RORA: variants seen among roughly 807,000 people sequenced by gnomAD.
The protein encoded by RORA is RAR related orphan receptor A, also known as nuclear receptor ROR-alpha.
In RORA, 7 loss-of-function variants were observed where a neutral mutation model predicts 69.5. That is an observed-to-expected ratio of 0.10 (90% CI 0.06 to 0.19). The LOEUF is 0.19. Among genes scored for constraint, RORA ranks in the 10% least tolerant of loss-of-function variants. The pLI is 1.00. For synonymous variants in RORA, 261 were observed against 240.8 expected, an observed-to-expected ratio of 1.08 and a Z score of -0.78; for missense variants, 457 against 663.0, an observed-to-expected ratio of 0.69 and a Z score of 3.41.
intron 2 of RORA, among the ~76,000 whole-genome samples, chr15:60,552,516 A>G (rs1567081599): frequency 6.6e-6 from 1 of 152,188 alleles, no homozygotes; most frequent in Non-Finnish European, 1.5e-5. Context: ...CTGTCTTCCC[A>G]GTGCCTGCCT....
chr15:60,685,171 G>T (rs1034665560), intron 1 of RORA, among the ~76,000 whole-genome samples: 1 of 152,080 alleles, frequency 6.6e-6, no homozygotes, highest in African/African-American at 2.4e-5. Flanking sequence ...GGGATAATCC[G>T]GGAAGGCAGC....
chr15:61,102,104 C>A (rs1322936870), intron 1 of RORA, among the ~76,000 whole-genome samples: 2 of 152,132 alleles, frequency 1.3e-5, no homozygotes, highest in Admixed American at 1.3e-4. Context: ...TTTCTCCCAG[C>A]CCTCAGCACA....
At chr15:60,889,179 T>G (rs1398709345) in intron 1 of RORA, among the ~76,000 whole-genome samples, 1 of 152,230 alleles carries the variant, frequency 6.6e-6, no homozygotes, top group African/African-American at 2.4e-5. Context: ...TACTTCCCAC[T>G]TGAACTCCTC....
At chr15:60,610,489 C>CG (rs1471917824) in intron 2 of RORA, among the ~76,000 whole-genome samples, 2 of 152,020 alleles carry the variant, frequency 1.3e-5, no homozygotes, top group Non-Finnish European at 2.9e-5. Flanking sequence ...CAGCAGGAAG[C>CG]GGGCTGTGGC....
chr15:60,947,599 T>C (rs1892933165), intron 1 of RORA, among the ~76,000 whole-genome samples: 1 of 149,462 alleles, frequency 6.7e-6, no homozygotes, highest in East Asian at 2.0e-4. Context: ...GAGATCTTTG[T>C]TCACTTGTTT....
intron 2 of RORA, among the ~76,000 whole-genome samples, chr15:60,583,561 G>T (rs1318469334): frequency 6.6e-6 from 1 of 152,152 alleles, no homozygotes; most frequent in Admixed American, 6.5e-5. Flanking sequence ...GCTTTATGAC[G>T]AAAAGGAGTA....
Position 61,005,946 on chromosome 15 carries a change from T to A in RORA, c.166+223107A>T, listed in dbSNP as rs959317871. Among the ~76,000 whole-genome samples, 34 of 149,878 alleles carry A rather than the reference T, an allele frequency of 2.3e-4. No homozygotes were observed. In the South Asian group the frequency reaches 4.2e-3, roughly 19 times the overall value. ...TAGGCTTAGAGCCATATATATATAT[T>A]TTTTGTTTGTTTGTTTTGTTTTGTT... On this transcript the variant is annotated intron_variant, in intron 1 of 10. Coordinates refer to ENST00000335670, the MANE Select transcript of RORA (RefSeq NM_134261.3).
intron 1 of RORA, among the ~76,000 whole-genome samples, chr15:61,121,077 T>G (rs1358947003): frequency 1.3e-5 from 2 of 152,026 alleles, no homozygotes; most frequent in Admixed American, 1.3e-4. Flanking sequence ...CTCAAACTCC[T>G]GACCTCAGGT....
intron 2 of RORA, among the ~76,000 whole-genome samples, chr15:60,584,567 G>A (rs2068278188): frequency 6.6e-6 from 1 of 152,200 alleles, no homozygotes; most frequent in Non-Finnish European, 1.5e-5. Flanking sequence ...TAAGACACTT[G>A]ATTGGGAGGA....
At chr15:60,665,520 A>C (rs1389486894) in intron 2 of RORA, among the ~76,000 whole-genome samples, 1 of 152,230 alleles carries the variant, frequency 6.6e-6, no homozygotes, top group African/African-American at 2.4e-5. Flanking sequence ...TACAAACTGC[A>C]GAAAGAAACT....
At chr15:61,100,420 T>C (rs1236335135) in intron 1 of RORA, among the ~76,000 whole-genome samples, 5 of 152,218 alleles carry the variant, frequency 3.3e-5, no homozygotes, top group Admixed American at 1.3e-4. Context: ...GTGCCCGGCC[T>C]GAGCGGTCAA....
intron 1 of RORA, among the ~76,000 whole-genome samples, chr15:60,849,225 A>G (rs769175342): frequency 1.1e-4 from 17 of 152,188 alleles, no homozygotes; most frequent in Non-Finnish European, 1.9e-4. Flanking sequence ...CTCCTATGTT[A>G]TGATTACCTC....
intron 1 of RORA, among the ~76,000 whole-genome samples, chr15:61,013,221 G>T (rs777992138): frequency 3.2e-4 from 49 of 152,168 alleles, no homozygotes; most frequent in Non-Finnish European, 1.9e-4. Context: ...CATAACCACA[G>T]CTTGAGAACC....
chr15:60,988,995 A>G (rs1894291853), intron 1 of RORA, among the ~76,000 whole-genome samples: 2 of 152,242 alleles, frequency 1.3e-5, no homozygotes, highest in African/African-American at 2.4e-5. Context: ...AATGTCCACC[A>G]TGTATACATC....
At chr15:60,885,220 AT>A (rs1234599972) in intron 1 of RORA, among the ~76,000 whole-genome samples, 1 of 152,224 alleles carries the variant, frequency 6.6e-6, no homozygotes, top group East Asian at 1.9e-4. Flanking sequence ...AAGAGAACTC[AT>A]AGCTTCCATC....
At chr15:60,542,300 T>C (rs1289484102) in intron 2 of RORA, among the ~76,000 whole-genome samples, 1 of 151,908 alleles carries the variant, frequency 6.6e-6, no homozygotes, top group Non-Finnish European at 1.5e-5. Context: ...GCTGCTACCA[T>C]CTTAAATGGT....
intron 2 of RORA, among the ~76,000 whole-genome samples, chr15:60,644,081 T>C (rs2069993204): frequency 2.0e-5 from 3 of 152,198 alleles, no homozygotes; most frequent in Non-Finnish European, 4.4e-5. Flanking sequence ...ACTATTTCCA[T>C]GTTGCCTTGA....
At position 60,511,465 on chromosome 15, in the gene RORA, G is replaced by A. The variant is rs200869327; in HGVS notation, c.581C>T (p.Thr194Met). 1.6e-5 allele frequency: 26 copies of A among 1,614,126 alleles called. No individual in the cohort carries two copies. Among genetic ancestry groups the A allele is most frequent in the Non-Finnish European group, 1.7e-5 (20 of 1,180,022 alleles). Residue 194 changes from threonine (T) to methionine (M), a missense_variant, in exon 5 of 11, where the codon ACG becomes ATG. Thr to Met is a moderately conservative substitution (Grantham distance 81, BLOSUM62 -1). Transcript: ENST00000335670. This position sits in a 1 kb window ranked among gnomAD's most constrained non-coding sequence, Gnocchi z 6.4. Reference sequence around the variant, plus strand: ...GTTACTGAGGTCGTCGTGAAGTTCCGTCAGCCCGTTGGCCGAGATGTTGTA... The same window carrying A: ...GTTACTGAGGTCGTCGTGAAGTTCCATCAGCCCGTTGGCCGAGATGTTGTA... ...PTYNISANGL[T>M]ELHDDLSNYI...
At chr15:60,579,923 G>A (rs1295239885) in intron 2 of RORA, among the ~76,000 whole-genome samples, 1 of 151,986 alleles carries the variant, frequency 6.6e-6, no homozygotes, top group Non-Finnish European at 1.5e-5. Flanking sequence ...TGTTTATTAG[G>A]TCTCCCTAGA....
Sources: gnomAD v4.1 joint callset for allele counts (sites outside exome capture counted in the v4.1 genomes callset) on GRCh38, gnomAD v4.1.1 for gene constraint, Gnocchi (gnomAD v3.1) non-coding constraint, MANE v1.5 for transcripts, NCBI Gene and HGNC (gene_info 2026-07-23, HGNC 2026-07-21) for gene names.